CHD7: variants seen among roughly 807,000 people sequenced by gnomAD.
CHD7 encodes chromodomain helicase DNA binding protein 7.
In CHD7, 24 loss-of-function variants were observed where a neutral mutation model predicts 307.3. That is an observed-to-expected ratio of 0.08 (90% CI 0.06 to 0.11). CHD7 has a LOEUF of 0.11. Among genes scored for constraint, CHD7 ranks in the 10% least tolerant of loss-of-function variants. CHD7 has a pLI of 1.00. For synonymous variants in CHD7, 1,363 were observed against 1,349.9 expected (o/e 1.01, Z -0.21); for missense variants, 3,106 against 3,727.1 (o/e 0.83, Z 4.34).
At chr8:60,801,716 TC>T in intron 6 of CHD7, 123 bp downstream of exon 6, 1 of 661,206 alleles carries the variant, frequency 1.5e-6, no homozygotes, top group Admixed American at 2.9e-5. Flanking sequence ...ATATTTCTAA[TC>T]CTGTCTAATT....
intron 1 of CHD7, among the ~76,000 whole-genome samples, chr8:60,684,278 G>T (rs572921954): frequency 5.9e-5 from 9 of 152,144 alleles, no homozygotes; most frequent in Admixed American, 2.6e-4. Flanking sequence ...TGCTTCCTCT[G>T]TGCATGTCAG....
intron 3 of CHD7, among the ~76,000 whole-genome samples, chr8:60,791,244 A>G (rs560192820): frequency 2.0e-5 from 3 of 152,316 alleles, no homozygotes; most frequent in South Asian, 4.1e-4. Flanking sequence ...GAGGGCAGAC[A>G]TGATTTCTTC....
intron 3 of CHD7, among the ~76,000 whole-genome samples, chr8:60,784,691 C>T (rs1811410360): frequency 1.3e-5 from 2 of 152,142 alleles, no homozygotes; most frequent in Non-Finnish European, 2.9e-5. Context: ...TGTGACCATT[C>T]CCAGAGAACT....
rs1205407304 is a variant in CHD7 at position 60,866,464 on chromosome 8, G to A, written c.*531G>A. The A allele has an allele frequency of 6.6e-6, 1 of 152,560 alleles. No individual in the cohort carries two copies. The highest frequency in any genetic ancestry group is 2.4e-5 in the African/African-American group (1 of 41,394). The allele number at this position is 152,560 out of a possible 1,614,324, so 9.5% of individuals were successfully genotyped here. On this transcript the variant is annotated 3_prime_UTR_variant, in exon 38 of 38. Transcript: ENST00000423902. ...ATCCATACACTCTGACAATCTCCAC[G>A]CTAGTGTGAACGCCTCTGTCCCGAG...
intron 6 of CHD7, among the ~76,000 whole-genome samples, chr8:60,805,074 G>A (rs1812477029): frequency 6.6e-6 from 1 of 152,196 alleles, no homozygotes; most frequent in African/African-American, 2.4e-5. Flanking sequence ...GTTATTCATT[G>A]CCTATGCCTG....
chr8:60,792,639 G>GA (rs1237724903), intron 3 of CHD7, among the ~76,000 whole-genome samples: 5 of 152,196 alleles, frequency 3.3e-5, no homozygotes, highest in African/African-American at 1.2e-4. Flanking sequence ...AGGGCAGATG[G>GA]AAAATCATTA....
intron 29 of CHD7, 108 bp from the exon 30 acceptor site, chr8:60,852,390 C>T: frequency 1.5e-6 from 2 of 1,302,202 alleles, no homozygotes; most frequent in South Asian, 1.5e-5. Flanking sequence ...TGTTTCCCCA[C>T]CCCCAAATAA....
At position 60,740,225 on chromosome 8, in the gene CHD7, C is replaced by T. The variant is rs1808924497; in HGVS notation, c.-174-1034C>T. 2.0e-5 allele frequency among the ~76,000 whole-genome samples: 3 copies of T among 152,266 alleles called. No individual in the cohort carries two copies. In the South Asian group the frequency reaches 6.2e-4, roughly 32 times the overall value. On this transcript the variant is annotated intron_variant, in intron 1 of 37. Coordinates refer to ENST00000423902, the MANE Select transcript of CHD7 (RefSeq NM_017780.4). ...AACACAAGTGCCTGCCAACTTGTCTCCCTTCCTGCTTAGGTCCTGCCTTGT... is the reference window on the plus strand; with the variant it reads ...AACACAAGTGCCTGCCAACTTGTCTTCCTTCCTGCTTAGGTCCTGCCTTGT...
At chr8:60,838,976 A>G (rs1028265035) in intron 19 of CHD7, among the ~76,000 whole-genome samples, 3 of 152,254 alleles carry the variant, frequency 2.0e-5, no homozygotes, top group African/African-American at 7.2e-5. Flanking sequence ...GTACAATTCA[A>G]TGCCTTTACC....
Position 60,862,177 on chromosome 8 carries a change from T to C in CHD7, c.7831-19T>C, listed in dbSNP as rs1806028440. 1 of 1,590,456 alleles carries C rather than the reference T, an allele frequency of 6.3e-7. No individual in the cohort carries two copies. The highest frequency in any genetic ancestry group is 8.6e-7 in the Non-Finnish European group (1 of 1,167,260). On this transcript the variant is annotated intron_variant, in intron 35 of 37. Coordinates refer to ENST00000423902, the MANE Select transcript of CHD7 (RefSeq NM_017780.4). ...AGTACTAAATACCAATTTTACTAAA[T>C]ATGTTTTTTCTTTTGCAGAAGAATG...
At chr8:60,792,700 C>G (rs79450904) in intron 3 of CHD7, among the ~76,000 whole-genome samples, 1 of 152,258 alleles carries the variant, frequency 6.6e-6, no homozygotes, top group East Asian at 1.9e-4. Context: ...GGGCTCTGGT[C>G]GGTTTCCAGA....
rs749861487 is a variant in CHD7 at position 60,851,287 on chromosome 8, A to G, written c.5633A>G (p.Asp1878Gly). 63 of 1,558,422 alleles carry G rather than the reference A, an allele frequency of 4.0e-5. No individual in the cohort carries two copies. Among genetic ancestry groups the G allele is most frequent in the Non-Finnish European group, 5.3e-5 (61 of 1,150,226 alleles). Reference sequence around the variant, plus strand: ...GAATTTGCAAATTCTCCTTCAGAGGATAAGGAAGAATCCATGGAAATACAT... The same window carrying G: ...GAATTTGCAAATTCTCCTTCAGAGGGTAAGGAAGAATCCATGGAAATACAT... ...IDEFANSPSE[D>G]KEESMEIHAT... Residue 1878 changes from aspartate (D) to glycine (G), a missense_variant, in exon 28 of 38, where the codon GAT becomes GGT. Asp to Gly is a moderately conservative substitution (Grantham distance 94). This residue lies in a region of CHD7 where 1,030 missense variants were observed against 1,165.4 expected (regional missense o/e 0.88). Transcript: ENST00000423902.
chr8:60,777,046 C>T (rs1380293344), intron 2 of CHD7, among the ~76,000 whole-genome samples: 2 of 152,170 alleles, frequency 1.3e-5, no homozygotes, highest in African/African-American at 2.4e-5. Context: ...CTCTTCTTCA[C>T]CAGAATCTTA....
chr8:60,726,652 G>A (rs893698876), intron 1 of CHD7, among the ~76,000 whole-genome samples: 2 of 152,172 alleles, frequency 1.3e-5, no homozygotes, highest in African/African-American at 4.8e-5. Context: ...TGACAAATGA[G>A]AAAAGAAATT....
chr8:60,794,990 A>G lies in CHD7; in HGVS notation c.2101A>G (p.Lys701Glu). ...GCGATCCACTTTGAATTCTAGTAAT[A>G]AGAAACCTGACTCAGAAGCAAGTGC... Reference protein sequence around the residue: ...KPKSSKKSSNKKPDSEASALK... With the variant: ...KPKSSKKSSNEKPDSEASALK... The change falls in exon 4 of 38, where the codon AAG (lysine) becomes GAG (glutamate). Residue 701 changes from lysine to glutamate, a missense_variant. By Grantham distance (56) the Lys-to-Glu change is moderately conservative. Around this residue, in one of 10 missense-constraint regions of CHD7, gnomAD observed 998 missense variants for 1,004.5 expected, o/e 0.99. Transcript: ENST00000423902. The G allele has an allele frequency of 6.2e-7, 1 of 1,612,934 alleles. No homozygotes were observed.
intron 32 of CHD7, among the ~76,000 whole-genome samples, chr8:60,855,438 A>G (rs1374022076): frequency 1.3e-5 from 2 of 152,234 alleles, no homozygotes; most frequent in African/African-American, 2.4e-5. Context: ...GATAATAGGT[A>G]GGGAATGCAA....
intron 6 of CHD7, among the ~76,000 whole-genome samples, chr8:60,803,153 A>G (rs1370427147): frequency 2.0e-5 from 3 of 152,226 alleles, no homozygotes; most frequent in Non-Finnish European, 4.4e-5. Flanking sequence ...TTGTAGATAT[A>G]CAGTAAAATT....
intron 7 of CHD7, among the ~76,000 whole-genome samples, chr8:60,814,433 A>G (rs1427284373): frequency 6.6e-6 from 1 of 152,130 alleles, no homozygotes; most frequent in Non-Finnish European, 1.5e-5. Flanking sequence ...TTTTTATAAT[A>G]TGTGTTTCTT....
chr8:60,699,995 T>C (rs1432319472), intron 1 of CHD7, among the ~76,000 whole-genome samples: 3 of 151,996 alleles, frequency 2.0e-5, no homozygotes, highest in African/African-American at 7.3e-5. Flanking sequence ...CATGCCTGGC[T>C]AATTTTGTAT....
Sources: allele counts gnomAD v4.1 joint callset (sites outside exome capture counted in the v4.1 genomes callset), GRCh38; gene constraint gnomAD v4.1.1; regional missense constraint gnomAD v4.1.1; transcripts MANE v1.5; gene names NCBI Gene and HGNC (gene_info 2026-07-23, HGNC 2026-07-21).